Variants in GRM8 observed in about 807,000 individuals in gnomAD.
GRM8 encodes glutamate metabotropic receptor 8.
Under a neutral mutation model 87.2 loss-of-function variants are expected in GRM8, and 47 were observed. The observed-to-expected ratio is 0.54, with a 90% confidence interval of 0.43 to 0.69. The LOEUF (loss-of-function observed/expected upper bound fraction) is 0.69, where lower values mean the gene tolerates loss of function less well. Among genes scored for constraint, GRM8 ranks in the 30% least tolerant of loss-of-function variants. GRM8 has a pLI of 0.00. For synonymous variants in GRM8, 396 were observed against 404.5 expected, an observed-to-expected ratio of 0.98 and a Z score of 0.25; for missense variants, 1,019 against 1,139.2, an observed-to-expected ratio of 0.89 and a Z score of 1.52.
At chr7:126,698,569 C>A (rs1277806567) in intron 7 of GRM8, among the ~76,000 whole-genome samples, 2 of 152,054 alleles carry the variant, frequency 1.3e-5, no homozygotes, top group Non-Finnish European at 2.9e-5. Flanking sequence ...TTTCCTATAC[C>A]TGGAATGACT....
At chr7:126,678,204 GGTT>G (rs1807192121) in intron 7 of GRM8, among the ~76,000 whole-genome samples, 2 of 152,106 alleles carry the variant, frequency 1.3e-5, no homozygotes, top group African/African-American at 4.8e-5. Flanking sequence ...TTCTTCTGAA[GGTT>G]AGGATTTACG....
At chr7:126,481,807 G>C (rs1378202509) in intron 9 of GRM8, among the ~76,000 whole-genome samples, 1 of 151,928 alleles carries the variant, frequency 6.6e-6, no homozygotes, top group Non-Finnish European at 1.5e-5. Flanking sequence ...TAGTATGTTA[G>C]TTTATTTGTT....
chr7:126,701,916 TTCTG>T (rs1331075304), intron 7 of GRM8: 11 of 452,940 alleles, frequency 2.4e-5, no homozygotes, highest in South Asian at 1.7e-4. Context: ...ATGTCATGCC[TTCTG>T]TCTTAGTATA....
intron 6 of GRM8, among the ~76,000 whole-genome samples, chr7:126,896,877 C>T (rs1028122652): frequency 1.3e-5 from 2 of 152,114 alleles, no homozygotes; most frequent in Non-Finnish European, 2.9e-5. Context: ...TAAAACCCAG[C>T]AAAGAAAACA....
At chr7:126,654,508 G>GT (rs1389442316) in intron 7 of GRM8, among the ~76,000 whole-genome samples, 1 of 152,160 alleles carries the variant, frequency 6.6e-6, no homozygotes, top group African/African-American at 2.4e-5. Context: ...ACAATGTAAG[G>GT]TTCATTTTCT....
intron 6 of GRM8, among the ~76,000 whole-genome samples, chr7:126,847,999 G>A (rs1287510826): frequency 6.6e-6 from 1 of 152,188 alleles, no homozygotes; most frequent in Admixed American, 6.5e-5. Context: ...TACAAATGGA[G>A]AGACCAGTTA....
chr7:127,067,049 C>T (rs988061400), intron 3 of GRM8, among the ~76,000 whole-genome samples: 2 of 152,132 alleles, frequency 1.3e-5, no homozygotes, highest in African/African-American at 4.8e-5. Flanking sequence ...TCTCTTGTAC[C>T]AGTATTCACT....
intron 2 of GRM8, among the ~76,000 whole-genome samples, chr7:127,191,278 A>T (rs1563568974): frequency 6.6e-6 from 1 of 152,324 alleles, no homozygotes; most frequent in East Asian, 1.9e-4. Context: ...ATTACATTTC[A>T]TCTCTACAAA....
intron 3 of GRM8, among the ~76,000 whole-genome samples, chr7:126,988,916 C>A (rs768720610): frequency 5.9e-5 from 9 of 152,158 alleles, no homozygotes; most frequent in Non-Finnish European, 1.0e-4. Context: ...AAGACAAACT[C>A]CCTCCTAGAT....
chr7:126,524,290 G>A (rs530647193), intron 9 of GRM8, among the ~76,000 whole-genome samples: 1 of 151,890 alleles, frequency 6.6e-6, no homozygotes, highest in South Asian at 2.1e-4. Flanking sequence ...AGATTTTCTG[G>A]GCCATTTACA....
intron 3 of GRM8, among the ~76,000 whole-genome samples, chr7:127,104,689 A>C (rs1459069060): frequency 6.6e-6 from 1 of 152,226 alleles, no homozygotes; most frequent in Non-Finnish European, 1.5e-5. Flanking sequence ...TGCTCTAATC[A>C]AGAGCATATA....
intron 9 of GRM8, among the ~76,000 whole-genome samples, chr7:126,483,741 T>TTCCC (rs71177560): frequency 0.14 from 7,646 of 56,408 alleles, 448 homozygotes; most frequent in Non-Finnish European, 0.16. Context: ...CCCTTAGTAT[T>TTCCC]TCCCTCCCTC....
chr7:126,868,290 G>C (rs1019148192), intron 6 of GRM8, among the ~76,000 whole-genome samples: 2 of 152,258 alleles, frequency 1.3e-5, no homozygotes. Context: ...AGTTGAAAGA[G>C]TGGGCCAGTG....
In GRM8 at chr7:126,971,093, C is replaced by T. The variant is rs568881539; in HGVS notation, c.728-66410G>A. 9.6e-5 allele frequency among the ~76,000 whole-genome samples: 14 copies of T among 145,568 alleles called. No homozygotes were observed. In the East Asian group the frequency reaches 2.0e-3, roughly 21 times the overall value. On this transcript the variant is annotated intron_variant, in intron 3 of 10. Coordinates refer to ENST00000339582, the MANE Select transcript of GRM8 (RefSeq NM_000845.3). The stretch of plus-strand genomic sequence containing the variant: ...GACACAGAGATACTAAGTGAACACA[C>T]GCTGTTGGAAAAATGTCACCAATAG...
At chr7:126,642,806 C>G (rs930373438) in intron 7 of GRM8, among the ~76,000 whole-genome samples, 1 of 151,990 alleles carries the variant, frequency 6.6e-6, no homozygotes, top group Non-Finnish European at 1.5e-5. Context: ...CAGAAGCTTC[C>G]GATCTAGTTC....
At chr7:126,635,218 G>A (rs991760240) in intron 7 of GRM8, among the ~76,000 whole-genome samples, 3 of 142,512 alleles carry the variant, frequency 2.1e-5, no homozygotes, top group African/African-American at 7.8e-5. Flanking sequence ...ATCTTTCCTT[G>A]CCCATTGATT....
At chr7:126,974,497 C>A (rs1469205098) in intron 3 of GRM8, among the ~76,000 whole-genome samples, 4 of 151,946 alleles carry the variant, frequency 2.6e-5, no homozygotes, top group Non-Finnish European at 5.9e-5. Flanking sequence ...TTTGATCAAA[C>A]TAATGTAAAG....
At chr7:126,865,157 C>T (rs188938730) in intron 6 of GRM8, among the ~76,000 whole-genome samples, 31 of 152,334 alleles carry the variant, frequency 2.0e-4, no homozygotes, top group African/African-American at 7.2e-4. Context: ...CCCATGTCAA[C>T]TTTTGATACT....
intron 7 of GRM8, among the ~76,000 whole-genome samples, chr7:126,649,693 C>T (rs971862636): frequency 5.9e-5 from 9 of 152,140 alleles, no homozygotes; most frequent in South Asian, 4.1e-4. Flanking sequence ...AGAGGCACAG[C>T]GCCTAATGGG....
Sources: gnomAD v4.1 joint callset for allele counts (sites outside exome capture counted in the v4.1 genomes callset) on GRCh38, gnomAD v4.1.1 for gene constraint, MANE v1.5 for transcripts, NCBI Gene and HGNC (gene_info 2026-07-23, HGNC 2026-07-21) for gene names.